Variants in CLIC4 observed in about 807,000 individuals in gnomAD.
CLIC4 encodes the protein CLIC family member 4, also known as chloride intracellular channel protein 4.
In CLIC4, 13 loss-of-function variants were observed where a neutral mutation model predicts 24.6. The observed-to-expected ratio is 0.53, with a 90% CI of 0.34 to 0.84. The LOEUF is 0.84. Among genes scored for constraint, CLIC4 ranks in the 40% least tolerant of loss-of-function variants. The pLI is 0.01. For missense variants in CLIC4, 227 were observed against 301.7 expected, an observed-to-expected ratio of 0.75 and a Z score of 1.83; for synonymous variants, 104 against 111.3, an observed-to-expected ratio of 0.93 and a Z score of 0.41.
intron 3 of CLIC4, among the ~76,000 whole-genome samples, chr1:24,815,327 G>A (rs979296102): frequency 1.3e-5 from 2 of 152,016 alleles, no homozygotes; most frequent in Middle Eastern, 3.4e-3. Flanking sequence ...AAGAAACCCC[G>A]TCTCTACTAA....
At chr1:24,800,685 G>A (rs1639477506) in intron 2 of CLIC4, among the ~76,000 whole-genome samples, 1 of 152,170 alleles carries the variant, frequency 6.6e-6, no homozygotes. Flanking sequence ...GTAGAAAGAA[G>A]TAGACATGGG....
intron 1 of CLIC4, among the ~76,000 whole-genome samples, chr1:24,772,612 A>C (rs897536378): frequency 6.6e-6 from 1 of 152,082 alleles, no homozygotes; most frequent in Non-Finnish European, 1.5e-5. Context: ...CAGCCTCCTG[A>C]GTAGCTGGAA....
At chr1:24,757,022 A>G (rs377582415) in intron 1 of CLIC4, among the ~76,000 whole-genome samples, 1 of 152,090 alleles carries the variant, frequency 6.6e-6, no homozygotes, top group Non-Finnish European at 1.5e-5. Flanking sequence ...CAGCCTCCCA[A>G]GTAGCTGAGA....
At chr1:24,752,445 G>A (rs2124078648) in intron 1 of CLIC4, among the ~76,000 whole-genome samples, 1 of 152,278 alleles carries the variant, frequency 6.6e-6, no homozygotes, top group South Asian at 2.1e-4. Flanking sequence ...AACTCCCAGA[G>A]CATTGTCCTC....
chr1:24,839,788 G>T (rs1639922958), intron 4 of CLIC4, 72 bp from the exon 5 acceptor site: 12 of 1,326,604 alleles, frequency 9.0e-6, no homozygotes, highest in Non-Finnish European at 1.3e-5. Flanking sequence ...GACTCAAAGA[G>T]TCTGCTTCTC....
chr1:24,817,101 C>A (rs1299323642), intron 3 of CLIC4, among the ~76,000 whole-genome samples: 2 of 152,174 alleles, frequency 1.3e-5, no homozygotes, highest in Non-Finnish European at 2.9e-5. Context: ...TAGATGACAT[C>A]TTTCAATAGA....
chr1:24,781,602 G>A (rs1041425850), intron 1 of CLIC4, among the ~76,000 whole-genome samples: 3 of 151,856 alleles, frequency 2.0e-5, no homozygotes, highest in Non-Finnish European at 2.9e-5. Flanking sequence ...GCAGTGCTGT[G>A]GGTCCTCAAG....
At chr1:24,774,046 C>A (rs1170220642) in intron 1 of CLIC4, among the ~76,000 whole-genome samples, 1 of 152,182 alleles carries the variant, frequency 6.6e-6, no homozygotes, top group Non-Finnish European at 1.5e-5. Context: ...GATCTTGGCT[C>A]ACTGCAACCT....
At chr1:24,753,555 T>A (rs1352558536) in intron 1 of CLIC4, among the ~76,000 whole-genome samples, 1 of 152,190 alleles carries the variant, frequency 6.6e-6, no homozygotes, top group Non-Finnish European at 1.5e-5. Flanking sequence ...TTTGACATTA[T>A]GTGGAAACTC....
At position 24,751,957 on chromosome 1, in the gene CLIC4, C is replaced by G. The variant is rs191143267; in HGVS notation, c.72+6332C>G. Among the ~76,000 whole-genome samples, 451 of 152,302 alleles carry G rather than the reference C, an allele frequency of 3.0e-3. 1 individual carries two copies. Among genetic ancestry groups the G allele is most frequent in the Admixed American group, 9.9e-3 (152 of 15,296 alleles). On this transcript the variant is annotated intron_variant, in intron 1 of 5. Transcript: ENST00000374379. ...AAACTTGTTGTTGTGCCACTGTGAA[C>G]TGGGATGATCACTGTCAGCAAGTAG...
chr1:24,817,254 C>A (rs570233376), intron 3 of CLIC4, among the ~76,000 whole-genome samples: 2 of 150,572 alleles, frequency 1.3e-5, no homozygotes, highest in South Asian at 4.5e-4. Flanking sequence ...GAAGGAAGAT[C>A]TAGATAGATC....
At chr1:24,746,220 T>G (rs2124070193) in intron 1 of CLIC4, among the ~76,000 whole-genome samples, 1 of 152,352 alleles carries the variant, frequency 6.6e-6, no homozygotes, top group African/African-American at 2.4e-5. Context: ...GATTCCCAAC[T>G]TGTGTTTTTC....
chr1:24,761,274 A>T (rs1393491703), intron 1 of CLIC4, among the ~76,000 whole-genome samples: 1 of 152,120 alleles, frequency 6.6e-6, no homozygotes, highest in African/African-American at 2.4e-5. Flanking sequence ...CTACTTGGAG[A>T]GGCATATGTT....
At chr1:24,788,810 G>A (rs1190282207) in intron 1 of CLIC4, among the ~76,000 whole-genome samples, 1 of 152,202 alleles carries the variant, frequency 6.6e-6, no homozygotes, top group Non-Finnish European at 1.5e-5. Context: ...GGACACACTA[G>A]CAGGCACTGA....
intron 1 of CLIC4, among the ~76,000 whole-genome samples, chr1:24,785,003 CAA>C (rs371409071): frequency 6.5e-5 from 8 of 122,234 alleles, no homozygotes; most frequent in East Asian, 2.5e-4. Context: ...GACTCTGTCT[CAA>C]AAAAAAAAAA....
At chr1:24,754,136 A>C (rs1049611428) in intron 1 of CLIC4, among the ~76,000 whole-genome samples, 1 of 152,234 alleles carries the variant, frequency 6.6e-6, no homozygotes, top group African/African-American at 2.4e-5. Flanking sequence ...TAATAATGCT[A>C]CTTTTGGCAA....
At chr1:24,819,217 CT>C (rs532966258) in intron 3 of CLIC4, among the ~76,000 whole-genome samples, 34 of 152,098 alleles carry the variant, frequency 2.2e-4, no homozygotes, top group Non-Finnish European at 4.3e-4. Flanking sequence ...CCTGGAGCTT[CT>C]TTTTTTCTCT....
intron 2 of CLIC4, among the ~76,000 whole-genome samples, chr1:24,800,488 A>C (rs1639474938): frequency 6.7e-6 from 1 of 150,130 alleles, no homozygotes; most frequent in Non-Finnish European, 1.5e-5. Context: ...CCGGGAGGTG[A>C]GGGGCGCCTC....
chr1:24,797,151 A>C (rs1639414066), intron 1 of CLIC4, among the ~76,000 whole-genome samples: 1 of 150,892 alleles, frequency 6.6e-6, no homozygotes, highest in South Asian at 2.1e-4. Context: ...ATGGGGTTTC[A>C]CCATATTGGC....
Sources: gnomAD v4.1 joint callset for allele counts (sites outside exome capture counted in the v4.1 genomes callset) on GRCh38, gnomAD v4.1.1 for gene constraint, MANE v1.5 for transcripts, NCBI Gene and HGNC (gene_info 2026-07-23, HGNC 2026-07-21) for gene names.